The following CEP250 variants were observed in gnomAD, a reference collection of about 807,000 sequenced individuals.
CEP250 encodes centrosomal protein 250.
In CEP250, 242 loss-of-function variants were observed where a neutral mutation model predicts 315.7. The observed-to-expected ratio is 0.77, with a 90% CI of 0.69 to 0.85. The LOEUF (loss-of-function observed/expected upper bound fraction) is 0.85. Among genes scored for constraint, CEP250 ranks in the 40% least tolerant of loss-of-function variants. The pLI, the probability that CEP250 is intolerant of heterozygous loss-of-function variation, is 0.00. For synonymous variants in CEP250, 1,088 were observed against 1,175.0 expected (o/e 0.93, Z 1.51); for missense variants, 2,515 against 2,886.4 (o/e 0.87, Z 2.95).
At chr20:35,455,417 C>T (rs913554196), upstream of CEP250, 2 of 152,432 alleles carry the variant, frequency 1.3e-5, no homozygotes, top group South Asian at 4.1e-4. Flanking sequence ...GGCCCGCTTG[C>T]CTCAGCTTCT....
chr20:35,498,708 C>T lies in CEP250; in HGVS notation c.3769C>T (p.Gln1257Ter). 2 of 1,581,152 alleles carry T rather than the reference C, an allele frequency of 1.3e-6. No homozygotes were observed. Among genetic ancestry groups the T allele is most frequent in the Non-Finnish European group, 1.7e-6 (2 of 1,169,412 alleles). Residue 1257 changes from glutamine to a stop codon, truncating the protein, a stop_gained, in exon 27 of 35, where the codon CAG becomes TAG. Coordinates refer to ENST00000397527, the MANE Select transcript of CEP250 (RefSeq NM_007186.6). LOFTEE classifies it high-confidence loss of function. ...TCATCAAGACCTGTGGAAGACTCAA[C>T]AGACCCGGGTATGTTTCTCTGCTCC... ...KLHQDLWKTQ[Q>*]TRDVLRDQVQ...
rs546636150 is a variant in CEP250, at chr20:35,501,203, G to A, written c.3899-642G>A. ...AAGAGAAGAGTTAGCCGGGTGTGGTGGTGGGCACCTGTAATCCCAACTACT... is the reference window on the plus strand; with the variant it reads ...AAGAGAAGAGTTAGCCGGGTGTGGTAGTGGGCACCTGTAATCCCAACTACT... On this transcript the variant is annotated intron_variant, in intron 28 of 34. Transcript: ENST00000397527. Among the ~76,000 whole-genome samples the A allele has an allele frequency of 2.6e-4, 40 of 152,242 alleles. No individual in the cohort carries two copies. In the South Asian group the frequency reaches 8.1e-3, roughly 31 times the overall value.
chr20:35,503,297 A>G lies in CEP250; in HGVS notation c.4928A>G (p.Gln1643Arg). The change falls in exon 30 of 35, where the codon CAG (glutamine) becomes CGG (arginine). Residue 1643 changes from glutamine to arginine, a missense_variant. Transcript: ENST00000397527. This position sits in a 1 kb window ranked among gnomAD's most constrained non-coding sequence, Gnocchi z 4.2. The part of the protein sequence containing the change: ...KSQREQIEEL[Q>R]RQKEHLTQDL... Reference sequence around the variant, plus strand: ...CAGCGAGAACAGATCGAGGAGCTGCAGAGGCAGAAAGAGCATCTGACTCAG... The same window carrying G: ...CAGCGAGAACAGATCGAGGAGCTGCGGAGGCAGAAAGAGCATCTGACTCAG... 6.2e-7 allele frequency: 1 copy of G among 1,614,208 alleles called. No individual in the cohort carries two copies. The highest frequency in any genetic ancestry group is 1.3e-5 in the African/African-American group (1 of 75,062).
chr20:35,476,673 G>A, intron 16 of CEP250, 78 bp downstream of exon 16: 1 of 1,256,776 alleles, frequency 8.0e-7, no homozygotes. Flanking sequence ...CCCAAATGTA[G>A]GTCTGAAATG....
chr20:35,486,653 C>T (rs7269757), intron 20 of CEP250, among the ~76,000 whole-genome samples: 359 of 152,130 alleles, frequency 2.4e-3, no homozygotes, highest in Non-Finnish European at 4.4e-3. Context: ...GCATTTTTTG[C>T]GATTTCGTAG....
At chr20:35,483,465 T>G (rs954441215) in intron 20 of CEP250, among the ~76,000 whole-genome samples, 1 of 151,888 alleles carries the variant, frequency 6.6e-6, no homozygotes, top group South Asian at 2.1e-4. Context: ...TGAGTCCTCC[T>G]GCCGCAGCCT....
chr20:35,494,440 AG>A, intron 23 of CEP250, 83 bp from the exon 24 acceptor site: 2 of 1,564,216 alleles, frequency 1.3e-6, no homozygotes, highest in East Asian at 4.5e-5. Flanking sequence ...TAAACCTCGA[AG>A]GACCCTGAAG....
intron 16 of CEP250, among the ~76,000 whole-genome samples, chr20:35,477,670 G>A (rs1239996222): frequency 2.0e-5 from 3 of 151,788 alleles, no homozygotes; most frequent in Non-Finnish European, 2.9e-5. Flanking sequence ...GCATATCTCC[G>A]TCCCCAGCAT....
chr20:35,460,529 C>T (rs2062731266), intron 3 of CEP250, among the ~76,000 whole-genome samples: 1 of 152,228 alleles, frequency 6.6e-6, no homozygotes, highest in Admixed American at 6.5e-5. Context: ...AGCACACGCC[C>T]TGTCTAAAGG....
rs1227825658 is a variant in CEP250, at chr20:35,480,114, A to G, written c.2555A>G (p.Glu852Gly). The G allele has an allele frequency of 1.9e-6, 3 of 1,612,356 alleles. No individual in the cohort carries two copies. The highest frequency in any genetic ancestry group is 1.3e-5 in the African/African-American group (1 of 74,870). ...TTGGAGCAGCAGAAGGCAGCCCATG[A>G]GAAAGAGGTGAACCAGCTCCGGGAG... ...TALEQQKAAH[E>G]KEVNQLREKW... The change falls in exon 20 of 35, where the codon GAG becomes GGG. Residue 852 changes from glutamate to glycine, a missense_variant. Physicochemically the swap from Glu to Gly is moderately conservative, Grantham distance 98. Transcript: ENST00000397527.
At position 35,504,167 on chromosome 20, in the gene CEP250, C is replaced by A. The variant is rs116637219; in HGVS notation, c.5798C>A (p.Ala1933Glu). The change falls in exon 30 of 35, where the codon GCA (alanine) becomes GAA (glutamate). Residue 1933 changes from alanine (A) to glutamate (E), a missense_variant. Ala to Glu is a moderately radical substitution (Grantham distance 107). Transcript: ENST00000397527. ...CAGGACAGCTGGCTGCAGGCCCAGGCAGTGCTCAAGGAACGGGACCAGGAG... is the reference window on the plus strand; with the variant it reads ...CAGGACAGCTGGCTGCAGGCCCAGGAAGTGCTCAAGGAACGGGACCAGGAG... ...ALQDSWLQAQAVLKERDQELE... is the reference protein window; with the variant it reads ...ALQDSWLQAQEVLKERDQELE... 4.2e-4 allele frequency: 685 copies of A among 1,613,906 alleles called. 5 individuals carry two copies. The African/African-American group carries it at 8.1e-3, about 19-fold the overall frequency.
intron 10 of CEP250, 32 bp from the exon 11 acceptor site, chr20:35,472,018 G>T: frequency 7.9e-7 from 1 of 1,270,304 alleles, no homozygotes; most frequent in Non-Finnish European, 1.2e-6. Context: ...TTGAGAGTTT[G>T]GCTCTGAGGC....
chr20:35,504,485 A>T lies in CEP250; in HGVS notation c.6116A>T (p.Gln2039Leu). 6.2e-7 allele frequency: 1 copy of T among 1,613,786 alleles called. No individual in the cohort carries two copies. Among genetic ancestry groups the T allele is most frequent in the Non-Finnish European group, 8.5e-7 (1 of 1,179,848 alleles). Reference sequence around the variant, plus strand: ...CTCCGATACCAGGAGGATGTGCAGCAGCTGCAGCAGGCACTTGCCCAGAGG... The same window carrying T: ...CTCCGATACCAGGAGGATGTGCAGCTGCTGCAGCAGGCACTTGCCCAGAGG... ...QDLRYQEDVQQLQQALAQRDE... is the reference protein window; with the variant it reads ...QDLRYQEDVQLLQQALAQRDE... The change falls in exon 30 of 35, where the codon CAG becomes CTG. Residue 2039 changes from glutamine (Q) to leucine (L), a missense_variant. Gln to Leu is a moderately radical substitution (Grantham distance 113). Coordinates refer to ENST00000397527, the MANE Select transcript of CEP250 (RefSeq NM_007186.6).
intron 24 of CEP250, 50 bp downstream of exon 24, chr20:35,494,707 G>T (rs746538529): frequency 1.2e-6 from 2 of 1,607,306 alleles, no homozygotes; most frequent in South Asian, 2.2e-5. Context: ...GGCTGCCATG[G>T]TCACTGTGAT....
At position 35,509,996 on chromosome 20, in the gene CEP250, A is replaced by G. The variant is rs1046859330; in HGVS notation, c.7009-2A>G. 1.9e-6 allele frequency: 3 copies of G among 1,614,058 alleles called. No homozygotes were observed. The highest frequency in any genetic ancestry group is 1.7e-6 in the Non-Finnish European group (2 of 1,179,850). ...AACAAGAGTGCTGTTTGTCTTCCTT[A>G]GGATGGGAGAGGACAGAAGAACTCA... On this transcript the variant is annotated splice_acceptor_variant, in intron 33 of 34. Transcript: ENST00000397527. LOFTEE classifies it high-confidence loss of function.
chr20:35,481,484 T>C (rs946143287), intron 20 of CEP250, among the ~76,000 whole-genome samples: 1 of 152,218 alleles, frequency 6.6e-6, no homozygotes, highest in African/African-American at 2.4e-5. Flanking sequence ...GTTCAGTGTG[T>C]TCAGTTCTAA....
intron 14 of CEP250, chr20:35,474,880 A>T (rs1202287088): frequency 2.1e-6 from 1 of 470,762 alleles, no homozygotes; most frequent in Non-Finnish European, 4.4e-6. Flanking sequence ...GGGAGCAGGG[A>T]TATATCTTCA....
In CEP250 at chr20:35,462,572, T is replaced by A. The variant is rs758279493; in HGVS notation, c.186+19T>A. ...GGCCAAGGTGAGGCAGCTGCCCTTT[T>A]GGGGAGGGGAAAGAGAACAACCCCC... On this transcript the variant is annotated intron_variant, in intron 4 of 34. Transcript: ENST00000397527. The A allele has an allele frequency of 1.3e-5, 21 of 1,573,284 alleles. No homozygotes were observed. Among genetic ancestry groups the A allele is most frequent in the Non-Finnish European group, 1.7e-5 (20 of 1,159,094 alleles).
chr20:35,470,096 C>A, intron 10 of CEP250, 110 bp downstream of exon 10: 1 of 721,048 alleles, frequency 1.4e-6, no homozygotes, highest in Non-Finnish European at 2.4e-6. Context: ...ATGAAATCCT[C>A]TAAAGCTAAA....
Sources: allele counts gnomAD v4.1 joint callset (sites outside exome capture counted in the v4.1 genomes callset), GRCh38; gene constraint gnomAD v4.1.1; non-coding constraint Gnocchi (gnomAD v3.1); transcripts MANE v1.5; gene names NCBI Gene and HGNC (gene_info 2026-07-23, HGNC 2026-07-21).